GPNMB: variants seen among roughly 807,000 people sequenced by gnomAD.
The protein encoded by GPNMB is glycoprotein nmb, also known as transmembrane glycoprotein NMB.
Under a neutral mutation model 57.3 loss-of-function variants are expected in GPNMB, and 71 were observed. The ratio of observed to expected loss-of-function variants is 1.24; its 90% CI spans 1.02 to 1.51. GPNMB has a LOEUF of 1.51. Among genes scored for constraint, GPNMB ranks in the 40% most tolerant of loss-of-function variants. GPNMB has a pLI of 0.00. For missense variants in GPNMB, 677 were observed against 691.9 expected (o/e 0.98, Z 0.24); for synonymous variants, 253 against 263.2 (o/e 0.96, Z 0.38).
rs1343949569 is a variant in GPNMB, at chr7:23,270,122, G to A, written c.1376G>A (p.Gly459Glu). 3 of 1,614,028 alleles carry A rather than the reference G, an allele frequency of 1.9e-6. No individual in the cohort carries two copies. The African/African-American group carries it at 4.0e-5, about 22-fold the overall frequency. The change falls in exon 9 of 11, where the codon GGG becomes GAG. Residue 459 changes from glycine (G) to glutamate (E), a missense_variant. Coordinates refer to ENST00000258733, the MANE Select transcript of GPNMB (RefSeq NM_002510.3). The stretch of plus-strand genomic sequence containing the variant: ...ACGTACTGTGTGAACCTCACCCTGG[G>A]GGATGACACAAGCCTGGCTCTCACG... The part of the protein sequence containing the change: ...SGTYCVNLTL[G>E]DDTSLALTST...
chr7:23,260,734 C>G lies in GPNMB; in HGVS notation c.979C>G (p.Pro327Ala). ...AGCACCAGGACCTTGTCCGCCACCG[C>G]CACCACCACCCAGACCTTCAAAACC... The part of the protein sequence containing the change: ...AAAPGPCPPP[P>A]PPPRPSKPTP... The change falls in exon 6 of 11, where the codon CCA (proline) becomes GCA (alanine). Residue 327 changes from proline to alanine, a missense_variant. By Grantham distance (27) the Pro-to-Ala change is conservative. Transcript: ENST00000258733. 1 of 1,587,626 alleles carries G rather than the reference C, an allele frequency of 6.3e-7. No individual in the cohort carries two copies. Among genetic ancestry groups the G allele is most frequent in the Non-Finnish European group, 8.6e-7 (1 of 1,164,030 alleles).
rs760219653 is a variant in GPNMB, at chr7:23,273,572, G to C, written c.1481G>C (p.Cys494Ser). ...MANSALISVG[C>S]LAIFVTVISL... is the part of the protein sequence containing the mutation. ...AACAGTGCCCTGATCTCCGTTGGCT[G>C]CTTGGCCATATTTGTCACTGTGATC... is the stretch of plus-strand genomic sequence containing the variant. Residue 494 changes from cysteine (C) to serine (S), a missense_variant, in exon 10 of 11, where the codon TGC (cysteine) becomes TCC (serine). Coordinates refer to ENST00000258733, the MANE Select transcript of GPNMB (RefSeq NM_002510.3). 6.2e-7 allele frequency: 1 copy of C among 1,613,858 alleles called. No individual in the cohort carries two copies. Among genetic ancestry groups the C allele is most frequent in the Non-Finnish European group, 8.5e-7 (1 of 1,179,754 alleles).
At chr7:23,248,622 C>T (rs1782591604) in intron 1 of GPNMB, among the ~76,000 whole-genome samples, 1 of 152,160 alleles carries the variant, frequency 6.6e-6, no homozygotes, top group South Asian at 2.1e-4. Flanking sequence ...CCAGCCACCA[C>T]CTCTCTGCTG....
chr7:23,257,954 A>AT (rs1316324445), intron 4 of GPNMB: 11 of 152,198 alleles, frequency 7.2e-5, no homozygotes, highest in African/African-American at 2.6e-4. Flanking sequence ...TTAGCATTTG[A>AT]TGATATGATT....
chr7:23,253,947 T>G (rs973990183), intron 2 of GPNMB, among the ~76,000 whole-genome samples: 3 of 152,234 alleles, frequency 2.0e-5, no homozygotes, highest in Non-Finnish European at 4.4e-5. Context: ...TAAATGTTCT[T>G]GCTGTGATTA....
chr7:23,260,382 AG>A lies in GPNMB; in HGVS notation c.701-73del, dbSNP rs112865563. On this transcript the variant is annotated intron_variant, in intron 5 of 10. Transcript: ENST00000258733. ...CCTCATTTTAATATTTCAACCTAAA[AG>A]CATCGTCGAAGCCCTCCACTTACAA... 3.1e-5 allele frequency: 38 copies of A among 1,236,322 alleles called. 1 individual carries two copies. The African/African-American group carries it at 3.3e-4, about 11-fold the overall frequency. 76.6% of individuals were successfully genotyped at this position (1,236,322 alleles called of 1,614,324 possible).
chr7:23,253,938 A>T (rs1583816784), intron 2 of GPNMB, among the ~76,000 whole-genome samples: 1 of 152,222 alleles, frequency 6.6e-6, no homozygotes, highest in East Asian at 1.9e-4. Flanking sequence ...TATCATAGGT[A>T]AATGTTCTTG....
intron 6 of GPNMB, 118 bp from the exon 7 acceptor site, chr7:23,266,399 A>T: frequency 1.1e-6 from 1 of 901,440 alleles, no homozygotes. Context: ...TTCATAGTAT[A>T]GTGTTCCTGA....
chr7:23,271,568 G>C (rs1783205891), intron 9 of GPNMB, among the ~76,000 whole-genome samples: 1 of 152,196 alleles, frequency 6.6e-6, no homozygotes, highest in African/African-American at 2.4e-5. Flanking sequence ...GGCCAAGGTG[G>C]GCAGATCACT....
At chr7:23,248,461 G>C (rs970904886) in intron 1 of GPNMB, among the ~76,000 whole-genome samples, 1 of 152,162 alleles carries the variant, frequency 6.6e-6, no homozygotes, top group Non-Finnish European at 1.5e-5. Context: ...CCATTCACCA[G>C]GTTCACCTTG....
rs77286840 is a variant in GPNMB at position 23,256,153 on chromosome 7, A to T, written c.368-739A>T. 2.0e-5 allele frequency among the ~76,000 whole-genome samples: 3 copies of T among 152,198 alleles called. No individual in the cohort carries two copies. The East Asian group carries it at 5.8e-4, about 29-fold the overall frequency. On this transcript the variant is annotated intron_variant, in intron 3 of 10. Transcript: ENST00000258733. ...ACTCCTGACCTCAAGCGATCCGCCC[A>T]TCTCGGCCTCCCAAAGTGCTGGGAT... is the stretch of plus-strand genomic sequence containing the variant.
chr7:23,254,077 C>T, intron 2 of GPNMB, 92 bp from the exon 3 acceptor site: 2 of 1,227,182 alleles, frequency 1.6e-6, no homozygotes, highest in South Asian at 1.6e-5. Flanking sequence ...CATATGGGTC[C>T]TCTGGTCCTT....
At chr7:23,267,527 G>A (rs79806006) in intron 7 of GPNMB, among the ~76,000 whole-genome samples, 3,310 of 152,232 alleles carry the variant, frequency 0.022, 109 homozygotes, top group African/African-American at 0.076. Context: ...ATTTCTCGTA[G>A]TTCTAAAGGC....
chr7:23,258,415 C>T (rs769821625), intron 4 of GPNMB, among the ~76,000 whole-genome samples: 1 of 152,218 alleles, frequency 6.6e-6, no homozygotes, highest in East Asian at 1.9e-4. Flanking sequence ...TTATTTTTCA[C>T]TGCCATTACG....
At chr7:23,261,210 G>C (rs1782914641) in intron 6 of GPNMB, among the ~76,000 whole-genome samples, 1 of 152,130 alleles carries the variant, frequency 6.6e-6, no homozygotes, top group Non-Finnish European at 1.5e-5. Flanking sequence ...CCTACCCAGT[G>C]TCCATGAAAA....
intron 6 of GPNMB, among the ~76,000 whole-genome samples, chr7:23,265,737 A>T (rs190366340): frequency 5.9e-5 from 9 of 152,068 alleles, no homozygotes; most frequent in Admixed American, 5.2e-4. Flanking sequence ...TTCATAGTTC[A>T]GCCCCCAGAG....
intron 9 of GPNMB, among the ~76,000 whole-genome samples, chr7:23,271,069 GA>G (rs1293769904): frequency 6.6e-6 from 1 of 152,232 alleles, no homozygotes; most frequent in Non-Finnish European, 1.5e-5. Context: ...GATGGTGGGG[GA>G]TGGTTTCGGG....
At chr7:23,271,333 G>A (rs879701936) in intron 9 of GPNMB, among the ~76,000 whole-genome samples, 6 of 152,114 alleles carry the variant, frequency 3.9e-5, no homozygotes, top group Non-Finnish European at 8.8e-5. Context: ...TGGGGGTGGG[G>A]GACCCCTGCG....
chr7:23,269,333 C>T (rs1253806714), intron 8 of GPNMB, among the ~76,000 whole-genome samples: 1 of 152,048 alleles, frequency 6.6e-6, no homozygotes, highest in Non-Finnish European at 1.5e-5. Context: ...TTGCAGTGAG[C>T]CAAGATCATG....
Sources: gnomAD v4.1 joint callset for allele counts (sites outside exome capture counted in the v4.1 genomes callset) on GRCh38, gnomAD v4.1.1 for gene constraint, MANE v1.5 for transcripts, NCBI Gene and HGNC (gene_info 2026-07-23, HGNC 2026-07-21) for gene names.